Variants in KAT6B observed in about 807,000 individuals in gnomAD.
KAT6B encodes lysine acetyltransferase 6B, also known as histone acetyltransferase KAT6B.
A neutral mutation model predicts 187.5 loss-of-function variants in KAT6B; 10 were observed. That is an observed-to-expected ratio of 0.05 (90% CI 0.03 to 0.09). The LOEUF (loss-of-function observed/expected upper bound fraction) is 0.09, where lower values mean the gene tolerates loss of function less well. KAT6B is among the 10% of genes least tolerant of loss of function. The probability of loss-of-function intolerance (pLI) is 1.00; values close to 1 mark genes in which losing one functional copy is unlikely to be tolerated. For missense variants in KAT6B, 1,952 were observed against 2,558.9 expected (o/e 0.76, Z 5.12); for synonymous variants, 861 against 926.8 (o/e 0.93, Z 1.29).
At chr10:74,968,424 C>T (rs947027182) in intron 4 of KAT6B, among the ~76,000 whole-genome samples, 5 of 151,172 alleles carry the variant, frequency 3.3e-5, no homozygotes, top group East Asian at 1.9e-4. Context: ...CTTTTATTAA[C>T]GGTATTGGTG....
chr10:74,885,008 G>A (rs1845132241), intron 3 of KAT6B, among the ~76,000 whole-genome samples: 1 of 152,074 alleles, frequency 6.6e-6, no homozygotes, highest in African/African-American at 2.4e-5. Context: ...CTTAAAATGT[G>A]GCTGAGACTG....
intron 1 of KAT6B, among the ~76,000 whole-genome samples, chr10:74,830,752 A>ATATATATATATG (rs1840727754): frequency 5.3e-4 from 12 of 22,534 alleles, no homozygotes; most frequent in African/African-American, 2.9e-3. Flanking sequence ...ATATATATAT[A>ATATATATATATG]TATATATATA....
chr10:74,878,321 A>G (rs1844572011), intron 3 of KAT6B, among the ~76,000 whole-genome samples: 1 of 152,180 alleles, frequency 6.6e-6, no homozygotes, highest in African/African-American at 2.4e-5. Flanking sequence ...CAGGGAGACT[A>G]TAGTGGGTGC....
chr10:74,914,158 C>T (rs1204047010), intron 3 of KAT6B, among the ~76,000 whole-genome samples: 1 of 151,482 alleles, frequency 6.6e-6, no homozygotes, highest in Non-Finnish European at 1.5e-5. Context: ...TGCACTCCAG[C>T]CTGGGTGACA....
chr10:74,873,544 G>T (rs1844173855), intron 3 of KAT6B, among the ~76,000 whole-genome samples: 1 of 152,170 alleles, frequency 6.6e-6, no homozygotes, highest in South Asian at 2.1e-4. Context: ...AGGAGCAAGG[G>T]TAGAGGAGGG....
At chr10:74,827,467 C>T (rs1354093462) in intron 1 of KAT6B, among the ~76,000 whole-genome samples, 4 of 150,878 alleles carry the variant, frequency 2.7e-5, no homozygotes, top group Non-Finnish European at 4.4e-5. Context: ...CTGGGTGGAT[C>T]GCATGTTGGA....
intron 13 of KAT6B, among the ~76,000 whole-genome samples, chr10:74,999,080 T>C (rs967929548): frequency 6.6e-6 from 1 of 152,258 alleles, no homozygotes; most frequent in Non-Finnish European, 1.5e-5. Context: ...ACAGATACTT[T>C]TTATTTTCTT....
In KAT6B at chr10:74,843,242, A is replaced by G. The variant is rs778694892; in HGVS notation, c.385A>G (p.Ile129Val). 6.2e-6 allele frequency: 10 copies of G among 1,614,130 alleles called. No homozygotes were observed. Among genetic ancestry groups the G allele is most frequent in the Middle Eastern group, 1.6e-4 (1 of 6,084 alleles). ...EEPNGSSLKN[I>V]EKYLRSQSDL... ...GCCGAATGGCTCCTCCCTGAAGAAC[A>G]TAGAGAAGTATCTCAGAAGTCAAAG... The change falls in exon 3 of 18, where the codon ATA (isoleucine) becomes GTA (valine). Residue 129 changes from isoleucine (I) to valine (V), a missense_variant. This residue lies in a region of KAT6B where 218 missense variants were observed against 282.6 expected (regional missense o/e 0.77). Coordinates refer to ENST00000287239, the MANE Select transcript of KAT6B (RefSeq NM_012330.4).
chr10:75,028,115 T>C (rs1846012557), intron 17 of KAT6B, among the ~76,000 whole-genome samples: 1 of 152,242 alleles, frequency 6.6e-6, no homozygotes, highest in Non-Finnish European at 1.5e-5. Context: ...ATGATTTGTA[T>C]ATAAGCTAGC....
chr10:74,977,078 T>C (rs994087133), intron 8 of KAT6B: 4 of 421,990 alleles, frequency 9.5e-6, no homozygotes, highest in Non-Finnish European at 1.8e-5. Flanking sequence ...CTTTCCCTCA[T>C]ATATTTATTA....
intron 3 of KAT6B, among the ~76,000 whole-genome samples, chr10:74,923,418 A>G (rs527659364): frequency 1.3e-5 from 2 of 152,346 alleles, no homozygotes; most frequent in South Asian, 2.1e-4. Context: ...CAAATAATGT[A>G]AGTGAGTATA....
In KAT6B at chr10:75,014,458, G is replaced by A. The variant is rs561975817; in HGVS notation, c.2630-6124G>A. On this transcript the variant is annotated intron_variant, in intron 13 of 17. Transcript: ENST00000287239. ...TTTTATTTATATTTTAGAAAGTATA[G>A]GATTTTTTTTAATTTAAAAAAATGT... 4.1e-5 allele frequency among the ~76,000 whole-genome samples: 6 copies of A among 146,356 alleles called. No homozygotes were observed. The East Asian group carries it at 9.8e-4, about 24-fold the overall frequency.
chr10:74,873,325 T>A (rs1417770481), intron 3 of KAT6B, among the ~76,000 whole-genome samples: 1 of 143,868 alleles, frequency 7.0e-6, no homozygotes, highest in Non-Finnish European at 1.5e-5. Context: ...AAAAGCCAGA[T>A]GTGATGGCAT....
rs780985266 is a variant in KAT6B, at chr10:75,020,610, A to T, written c.2658A>T (p.Gln886His). ...FSYLLSRREGQAGSPEKPLSD... is the reference protein window; with the variant it reads ...FSYLLSRREGHAGSPEKPLSD... Reference sequence around the variant, plus strand: ...ATTTGCTTTCTAGAAGAGAAGGCCAAGCAGGGTCTCCTGAAAAGCCTCTCT... The same window carrying T: ...ATTTGCTTTCTAGAAGAGAAGGCCATGCAGGGTCTCCTGAAAAGCCTCTCT... The change falls in exon 14 of 18, where the codon CAA becomes CAT. Residue 886 changes from glutamine (Q) to histidine (H), a missense_variant. Gln to His is a conservative substitution (Grantham distance 24). Transcript: ENST00000287239. 6.2e-7 allele frequency: 1 copy of T among 1,614,226 alleles called. No individual in the cohort carries two copies. Among genetic ancestry groups the T allele is most frequent in the Non-Finnish European group, 8.5e-7 (1 of 1,180,020 alleles).
In KAT6B at chr10:74,975,815, C is replaced by T; in HGVS notation, c.1478C>T (p.Ser493Leu). Residue 493 changes from serine (S) to leucine (L), a missense_variant, in exon 8 of 18, where the codon TCA becomes TTA. Transcript: ENST00000287239. ...CAAAAGCTAAAACCTCCACCTTCTTCACTTCCACCCCCAACCCCCATCTCC... is the reference window on the plus strand; with the variant it reads ...CAAAAGCTAAAACCTCCACCTTCTTTACTTCCACCCCCAACCCCCATCTCC... ...TTQKLKPPPS[S>L]LPPPTPISGQ... The T allele has an allele frequency of 6.2e-7, 1 of 1,614,206 alleles. No individual in the cohort carries two copies. The highest frequency in any genetic ancestry group is 8.5e-7 in the Non-Finnish European group (1 of 1,180,040).
chr10:74,946,473 T>C (rs1439947267), intron 3 of KAT6B, among the ~76,000 whole-genome samples: 1 of 152,192 alleles, frequency 6.6e-6, no homozygotes, highest in Non-Finnish European at 1.5e-5. Flanking sequence ...AGCCCTGAAC[T>C]TAAAACAAAT....
intron 3 of KAT6B, among the ~76,000 whole-genome samples, chr10:74,906,781 C>T (rs2132845533): frequency 6.6e-6 from 1 of 152,208 alleles, no homozygotes; most frequent in South Asian, 2.1e-4. Flanking sequence ...GACTTAACAC[C>T]CAGACCCCTT....
chr10:74,915,111 A>G (rs1227229779), intron 3 of KAT6B, among the ~76,000 whole-genome samples: 2 of 152,124 alleles, frequency 1.3e-5, no homozygotes, highest in Non-Finnish European at 1.5e-5. Flanking sequence ...TTTAAAAAAA[A>G]AATTTATTAA....
intron 3 of KAT6B, among the ~76,000 whole-genome samples, chr10:74,886,586 A>T (rs1845290147): frequency 6.6e-6 from 1 of 152,134 alleles, no homozygotes; most frequent in African/African-American, 2.4e-5. Context: ...GGAGGACCCC[A>T]CCTGAGCTTG....
Sources: gnomAD v4.1 joint callset for allele counts (sites outside exome capture counted in the v4.1 genomes callset) on GRCh38, gnomAD v4.1.1 for gene constraint, gnomAD v4.1.1 regional missense constraint, MANE v1.5 for transcripts, NCBI Gene and HGNC (gene_info 2026-07-23, HGNC 2026-07-21) for gene names.